Variants in ARHGAP45 observed in about 807,000 individuals in gnomAD.
The protein encoded by ARHGAP45 is Rho GTPase activating protein 45, also known as rho GTPase-activating protein 45.
Under a neutral mutation model 116.1 loss-of-function variants are expected in ARHGAP45, and 56 were observed. That is an observed-to-expected ratio of 0.48 (90% CI 0.39 to 0.60). ARHGAP45 has a LOEUF of 0.60. Among genes scored for constraint, ARHGAP45 ranks in the 20% least tolerant of loss-of-function variants. The pLI is 0.00. For missense variants in ARHGAP45, 1,622 were observed against 1,601.0 expected (o/e 1.01, Z -0.22); for synonymous variants, 866 against 701.7 (o/e 1.23, Z -3.70).
intron 19 of ARHGAP45, 179 bp from the exon 20 acceptor site, chr19:1,082,661 G>C (rs1205590638): frequency 1.0e-5 from 6 of 579,900 alleles, no homozygotes; most frequent in Non-Finnish European, 1.2e-5. Context: ...GGCCCGGGTA[G>C]GAGGGGCAGG....
chr19:1,073,456 G>C, intron 3 of ARHGAP45, 50 bp from the exon 4 acceptor site: 2 of 1,587,732 alleles, frequency 1.3e-6, no homozygotes, highest in South Asian at 1.1e-5. Context: ...TGCAGGGATG[G>C]TCACCTCCCA....
At position 1,077,731 on chromosome 19, in the gene ARHGAP45, C is replaced by T. The variant is rs911262216; in HGVS notation, c.1186-126C>T. The T allele has an allele frequency of 6.6e-6, 10 of 1,524,326 alleles. No homozygotes were observed. The South Asian group carries it at 7.3e-5, about 11-fold the overall frequency. The allele number at this position is 1,524,326 out of a possible 1,614,324, so 94.4% of individuals were successfully genotyped here. On this transcript the variant is annotated intron_variant, in intron 10 of 22. Coordinates refer to ENST00000313093, the MANE Select transcript of ARHGAP45 (RefSeq NM_012292.5). ...GCCGATTGTTGTGCAGGGTCCTCTGCATGCCCAGCTGGGCCATGGGGCCTT... is the reference window on the plus strand; with the variant it reads ...GCCGATTGTTGTGCAGGGTCCTCTGTATGCCCAGCTGGGCCATGGGGCCTT...
At chr19:1,082,382 C>A in intron 19 of ARHGAP45, 1 of 288,082 alleles carries the variant, frequency 3.5e-6, no homozygotes, top group Non-Finnish European at 6.4e-6. Context: ...TGAGGCTAGA[C>A]AAGTGCGGGG....
intron 22 of ARHGAP45, 68 bp from the exon 23 acceptor site, chr19:1,085,585 CCTGTCTG>C (rs2043600905): frequency 1.2e-5 from 13 of 1,115,182 alleles, no homozygotes; most frequent in Admixed American, 2.6e-5. Flanking sequence ...CCCCATCTCT[CCTGTCTG>C]TCCCTCCCCT....
At chr19:1,085,511 C>T (rs1448093325) in intron 22 of ARHGAP45, 149 bp from the exon 23 acceptor site, 2 of 549,440 alleles carry the variant, frequency 3.6e-6, no homozygotes, top group South Asian at 4.2e-5. Context: ...TGTCTCTCCT[C>T]CATCTCTCCT....
chr19:1,077,352 G>A, intron 10 of ARHGAP45: 5 of 995,464 alleles, frequency 5.0e-6, no homozygotes, highest in Non-Finnish European at 6.0e-6. Context: ...CGAGTGTCCT[G>A]TTACGGGTGC....
At chr19:1,083,374 G>T in intron 21 of ARHGAP45, 21 bp downstream of exon 21, 1 of 1,533,182 alleles carries the variant, frequency 6.5e-7, no homozygotes. Context: ...GGGCCTGACC[G>T]GGGCTGGCCA....
In ARHGAP45 at chr19:1,086,087, A is replaced by T. The variant is rs1024712298; in HGVS notation, c.*81A>T. On this transcript the variant is annotated 3_prime_UTR_variant, in exon 23 of 23. Coordinates refer to ENST00000313093, the MANE Select transcript of ARHGAP45 (RefSeq NM_012292.5). ...CAGCACGTCCCCTGCACCACGGCAT[A>T]GCTTAGGTGCGCCGTCCTGGGGTCG... 4 of 1,285,842 alleles carry T rather than the reference A, an allele frequency of 3.1e-6. No individual in the cohort carries two copies. Among genetic ancestry groups the T allele is most frequent in the Non-Finnish European group, 4.4e-6 (4 of 917,390 alleles). 79.7% of individuals were successfully genotyped at this position (1,285,842 alleles called of 1,614,324 possible). A position where few individuals can be genotyped will look rare whatever the true frequency, so the allele number is the denominator to read the frequency against.
chr19:1,079,742 G>A lies in ARHGAP45; in HGVS notation c.1414G>A (p.Asp472Asn). Residue 472 changes from aspartate (D) to asparagine (N), a missense_variant, in exon 12 of 23, where the codon GAC becomes AAC. Transcript: ENST00000313093. The stretch of plus-strand genomic sequence containing the variant: ...GGCCACCTACCGCACCTGCGTGGCC[G>A]ACGCGAAGACGCAGAAGCAGGAGCT... ...AMATYRTCVA[D>N]AKTQKQELED... is the part of the protein sequence containing the mutation. 5.0e-6 allele frequency: 8 copies of A among 1,612,578 alleles called. No individual in the cohort carries two copies. Among genetic ancestry groups the A allele is most frequent in the Non-Finnish European group, 6.8e-6 (8 of 1,179,716 alleles).
chr19:1,074,779 C>T lies in ARHGAP45; in HGVS notation c.1105-20C>T. On this transcript the variant is annotated intron_variant, in intron 9 of 22. Coordinates refer to ENST00000313093, the MANE Select transcript of ARHGAP45 (RefSeq NM_012292.5). ...CGGGGGTGTCACCGGGGTACCCACT[C>T]ACGGCCCGTCTCGCCCCAGCCCCTG... The T allele has an allele frequency of 6.2e-7, 1 of 1,600,206 alleles. No homozygotes were observed. The highest frequency in any genetic ancestry group is 8.5e-7 in the Non-Finnish European group (1 of 1,175,524).
rs373509439 is a variant in ARHGAP45 at position 1,080,307 on chromosome 19, C to T, written c.1756C>T (p.Arg586Trp). The T allele has an allele frequency of 7.4e-6, 12 of 1,611,794 alleles. No individual in the cohort carries two copies. The East Asian group carries it at 1.8e-4, about 24-fold the overall frequency. Residue 586 changes from arginine to tryptophan, a missense_variant, in exon 14 of 23, where the codon CGG (arginine) becomes TGG (tryptophan). By Grantham distance (101) the Arg-to-Trp change is moderately radical (BLOSUM62 -3). Coordinates refer to ENST00000313093, the MANE Select transcript of ARHGAP45 (RefSeq NM_012292.5). ...CAGCTTCAACGTGAGTGATGTGGCG[C>T]GGCCGGAGGCTGCCGGGAGCCCCCC... ...KSSFNVSDVA[R>W]PEAAGSPPEE...
Position 1,068,470 on chromosome 19 carries a change from G to T in ARHGAP45, c.147G>T (p.Pro49=), listed in dbSNP as rs750801168. 1.9e-6 allele frequency: 3 copies of T among 1,582,700 alleles called. No individual in the cohort carries two copies. The highest frequency in any genetic ancestry group is 2.3e-5 in the East Asian group (1 of 42,988). ...DAVFPGPSLE[P]PAGSSGVKAT... ...TGTTCCCCGGACCAAGCCTGGAGCCGCCCGCTGGGTCCTCCGGCGTCAAGG... is the reference window on the plus strand; with the variant it reads ...TGTTCCCCGGACCAAGCCTGGAGCCTCCCGCTGGGTCCTCCGGCGTCAAGG... Residue 49 remains proline (P), a synonymous_variant, in exon 2 of 23, where the codon CCG becomes CCT. Transcript: ENST00000313093. The surrounding 1 kb of genome is among the most constrained non-coding windows in gnomAD (Gnocchi z 7.5).
At position 1,083,125 on chromosome 19, in the gene ARHGAP45, C is replaced by CCCCT. The variant is rs749028854; in HGVS notation, c.2745-17_2745-14dup. The CCCCT allele has an allele frequency of 1.9e-6, 3 of 1,595,270 alleles. No homozygotes were observed. Among genetic ancestry groups the CCCCT allele is most frequent in the Non-Finnish European group, 2.6e-6 (3 of 1,173,872 alleles). On this transcript the variant is annotated splice_polypyrimidine_tract_variant and intron_variant, in intron 20 of 22. Transcript: ENST00000313093. ...GTCCCGGGAGCCGCTCAGCACCTGG[C>CCCCT]CCCTGCCCACCCCGCAGGATCGTGG...
intron 2 of ARHGAP45, among the ~76,000 whole-genome samples, chr19:1,070,027 ACTCTGTC>A (rs2043109965): frequency 1.3e-5 from 2 of 149,658 alleles, no homozygotes; most frequent in Non-Finnish European, 3.0e-5. Context: ...ATGGAGTCTC[ACTCTGTC>A]GCCCAGGCTG....
At chr19:1,075,354 C>G (rs35766427) in intron 10 of ARHGAP45, among the ~76,000 whole-genome samples, 4 of 149,846 alleles carry the variant, frequency 2.7e-5, no homozygotes, top group Non-Finnish European at 5.9e-5. Flanking sequence ...AAACAATTCT[C>G]CTGTCGCAGC....
Position 1,074,799 on chromosome 19 carries a change from C to T in ARHGAP45, c.1105C>T (p.Pro369Ser). The change falls in exon 10 of 23, where the codon CCC (proline) becomes TCC (serine). Residue 369 changes from proline to serine, a missense_variant and splice_region_variant. Around this residue, in one of 3 missense-constraint regions of ARHGAP45, gnomAD observed 1,334 missense variants for 1,263.8 expected, o/e 1.06. Transcript: ENST00000313093. ...CCACTCACGGCCCGTCTCGCCCCAGCCCCTGACCCTGCGGCGGCTTGAACA... is the reference window on the plus strand; with the variant it reads ...CCACTCACGGCCCGTCTCGCCCCAGTCCCTGACCCTGCGGCGGCTTGAACA... ...GTLQTQTFMQ[P>S]LTLRRLEHEK... The T allele has an allele frequency of 1.2e-6, 2 of 1,602,058 alleles. No individual in the cohort carries two copies. The highest frequency in any genetic ancestry group is 1.7e-6 in the Non-Finnish European group (2 of 1,176,236).
intron 21 of ARHGAP45, 83 bp downstream of exon 21, chr19:1,083,436 A>T: frequency 8.2e-7 from 1 of 1,226,836 alleles, no homozygotes; most frequent in East Asian, 2.5e-5. Flanking sequence ...TTGTCGGATG[A>T]AGCCCAAGGA....
chr19:1,083,487 A>T lies in ARHGAP45; in HGVS notation c.2955+134A>T, dbSNP rs538950554. 53 of 742,670 alleles carry T rather than the reference A, an allele frequency of 7.1e-5. No individual in the cohort carries two copies. In the African/African-American group the frequency reaches 8.4e-4, roughly 12 times the overall value. The allele number at this position is 742,670 out of a possible 1,614,324, so 46.0% of individuals were successfully genotyped here. A position where few individuals can be genotyped will look rare whatever the true frequency, so the allele number is the denominator to read the frequency against. ...TTTGGTTTGGACAGGGCTGTTCGGG[A>T]GGCCACTGTCTTTTTGTGTCTTTTA... On this transcript the variant is annotated intron_variant, in intron 21 of 22. Transcript: ENST00000313093.
chr19:1,085,511 C>CCATCTCTCCTGTCTCTCCT (rs2043588359), intron 22 of ARHGAP45, 149 bp from the exon 23 acceptor site: 5 of 549,324 alleles, frequency 9.1e-6, no homozygotes, highest in Admixed American at 4.1e-5. Flanking sequence ...TGTCTCTCCT[C>CCATCTCTCCTGTCTCTCCT]CATCTCTCCT....
Sources: allele counts gnomAD v4.1 joint callset (sites outside exome capture counted in the v4.1 genomes callset), GRCh38; gene constraint gnomAD v4.1.1; regional missense constraint gnomAD v4.1.1; non-coding constraint Gnocchi (gnomAD v3.1); transcripts MANE v1.5; gene names NCBI Gene and HGNC (gene_info 2026-07-23, HGNC 2026-07-21).